Variants in CCDC73 observed in about 807,000 individuals in gnomAD.
CCDC73 encodes the protein coiled-coil domain-containing protein 73.
Under a neutral mutation model 116.5 loss-of-function variants are expected in CCDC73, and 95 were observed. The ratio of observed to expected loss-of-function variants is 0.82; its 90% CI spans 0.69 to 0.97. The LOEUF (loss-of-function observed/expected upper bound fraction) is 0.97. Ranked by LOEUF, CCDC73 falls within the 50% of genes least tolerant of loss-of-function variation. The probability of loss-of-function intolerance (pLI) is 0.00; values close to 1 mark genes in which losing one functional copy is unlikely to be tolerated. For synonymous variants in CCDC73, 398 were observed against 401.3 expected, an observed-to-expected ratio of 0.99 and a Z score of 0.10; for missense variants, 1,066 against 1,206.8, an observed-to-expected ratio of 0.88 and a Z score of 1.73.
chr11:32,673,082 A>T (rs1388677405), intron 9 of CCDC73, among the ~76,000 whole-genome samples: 1 of 152,256 alleles, frequency 6.6e-6, no homozygotes, highest in African/African-American at 2.4e-5. Flanking sequence ...ATAAGAAAAC[A>T]AACAACCCAA....
intron 6 of CCDC73, among the ~76,000 whole-genome samples, chr11:32,693,726 C>A (rs562430954): frequency 6.6e-6 from 1 of 152,208 alleles, no homozygotes; most frequent in African/African-American, 2.4e-5. Context: ...ACGAACAAGT[C>A]GGCTTCATCC....
chr11:32,720,442 GCTTTCC>G (rs1849980795), intron 2 of CCDC73, among the ~76,000 whole-genome samples: 2 of 152,090 alleles, frequency 1.3e-5, no homozygotes, highest in African/African-American at 4.8e-5. Flanking sequence ...AAGACTGAAT[GCTTTCC>G]CTTTAAGATC....
At chr11:32,687,384 A>T (rs903692389) in intron 6 of CCDC73, among the ~76,000 whole-genome samples, 3 of 152,208 alleles carry the variant, frequency 2.0e-5, no homozygotes, top group Admixed American at 2.0e-4. Context: ...GTCAGAATCC[A>T]AGCAGGAAAA....
intron 14 of CCDC73, among the ~76,000 whole-genome samples, chr11:32,630,743 A>G (rs1188191262): frequency 6.6e-6 from 1 of 152,244 alleles, no homozygotes; most frequent in Non-Finnish European, 1.5e-5. Flanking sequence ...AATAGCAAAC[A>G]ATATGTACAT....
At chr11:32,755,536 A>ATATATATATAT (rs1850325554) in intron 2 of CCDC73, among the ~76,000 whole-genome samples, 14 of 59,914 alleles carry the variant, frequency 2.3e-4, no homozygotes, top group African/African-American at 8.2e-4. Flanking sequence ...TCCATCTCAA[A>ATATATATATAT]ATATATATAT....
intron 2 of CCDC73, among the ~76,000 whole-genome samples, chr11:32,736,625 T>A (rs919767884): frequency 6.6e-6 from 1 of 151,884 alleles, no homozygotes; most frequent in Admixed American, 6.6e-5. Flanking sequence ...GATCTAGAAC[T>A]AGAAATACCA....
intron 6 of CCDC73, among the ~76,000 whole-genome samples, chr11:32,693,266 G>A (rs965509070): frequency 4.6e-5 from 7 of 152,208 alleles, no homozygotes; most frequent in African/African-American, 7.2e-5. Flanking sequence ...GTTGCTACAC[G>A]GTGGTTAACA....
chr11:32,621,258 C>A (rs988415244), intron 14 of CCDC73, among the ~76,000 whole-genome samples: 2 of 152,176 alleles, frequency 1.3e-5, no homozygotes, highest in Admixed American at 1.3e-4. Context: ...CATCATGCTA[C>A]CTGACTTCAA....
intron 2 of CCDC73, among the ~76,000 whole-genome samples, chr11:32,734,034 T>C (rs1850103748): frequency 6.6e-6 from 1 of 151,638 alleles, no homozygotes; most frequent in African/African-American, 2.4e-5. Context: ...GCAAGACTAA[T>C]AAAGAAAAAA....
chr11:32,717,106 C>G (rs1173745397), intron 3 of CCDC73, among the ~76,000 whole-genome samples: 1 of 152,154 alleles, frequency 6.6e-6, no homozygotes, highest in Non-Finnish European at 1.5e-5. Flanking sequence ...ATCTGTCTAG[C>G]CTTGAAATTC....
intron 1 of CCDC73, among the ~76,000 whole-genome samples, chr11:32,763,308 G>C (rs889295519): frequency 5.9e-5 from 9 of 152,234 alleles, no homozygotes; most frequent in African/African-American, 2.2e-4. Flanking sequence ...CCTCAAGTGA[G>C]TCCCTGACCC....
intron 6 of CCDC73, among the ~76,000 whole-genome samples, chr11:32,696,087 G>T (rs1856308849): frequency 6.6e-6 from 1 of 151,992 alleles, no homozygotes; most frequent in Non-Finnish European, 1.5e-5. Context: ...AGTAAACTTG[G>T]ACCTTTATTT....
intron 2 of CCDC73, among the ~76,000 whole-genome samples, chr11:32,722,907 G>A (rs1365790623): frequency 6.6e-6 from 1 of 152,170 alleles, no homozygotes; most frequent in East Asian, 1.9e-4. Flanking sequence ...GATAGCAAGA[G>A]GGTAAATAGC....
chr11:32,681,477 A>G (rs997612988), intron 7 of CCDC73: 4 of 151,992 alleles, frequency 2.6e-5, no homozygotes, highest in African/African-American at 7.2e-5. Context: ...ATTTGTGATT[A>G]TGTTAATTTA....
chr11:32,828,545 GT>G, the CCDC73 span, among the ~76,000 whole-genome samples: 148 of 151,510 alleles, frequency 9.8e-4, no homozygotes, highest in Middle Eastern at 3.4e-3. Flanking sequence ...GGGAAAAAAT[GT>G]TTCCCTTGGT....
At chr11:32,662,479 T>G (rs1855938588) in intron 9 of CCDC73, among the ~76,000 whole-genome samples, 1 of 152,234 alleles carries the variant, frequency 6.6e-6, no homozygotes, top group Non-Finnish European at 1.5e-5. Flanking sequence ...TGCATAAATG[T>G]CTTCTTTTGA....
At chr11:32,749,566 C>T (rs796080584) in intron 2 of CCDC73, among the ~76,000 whole-genome samples, 23 of 152,084 alleles carry the variant, frequency 1.5e-4, no homozygotes, top group African/African-American at 5.3e-4. Context: ...TCTGGATGGT[C>T]TTGATGCTTG....
chr11:32,776,002 A>G (rs1477278660), intron 1 of CCDC73, among the ~76,000 whole-genome samples: 2 of 152,120 alleles, frequency 1.3e-5, no homozygotes, highest in African/African-American at 2.4e-5. Flanking sequence ...TTAATCTCCA[A>G]TGAACATTCA....
intron 14 of CCDC73, among the ~76,000 whole-genome samples, chr11:32,626,167 G>C (rs1335073406): frequency 6.6e-6 from 1 of 152,074 alleles, no homozygotes; most frequent in African/African-American, 2.4e-5. Context: ...AAACCCACAA[G>C]CATTCTTATA....
Sources: gnomAD v4.1 joint callset for allele counts (sites outside exome capture counted in the v4.1 genomes callset) on GRCh38, gnomAD v4.1.1 for gene constraint, MANE v1.5 for transcripts, NCBI Gene and HGNC (gene_info 2026-07-23, HGNC 2026-07-21) for gene names.